LGR6: variants seen among roughly 807,000 people sequenced by gnomAD.
LGR6 encodes leucine rich repeat containing G protein-coupled receptor 6.
In LGR6, 45 loss-of-function variants were observed where a neutral mutation model predicts 69.4. The ratio of observed to expected loss-of-function variants is 0.65; its 90% CI spans 0.51 to 0.83. The LOEUF (loss-of-function observed/expected upper bound fraction) is 0.83. Ranked by LOEUF, LGR6 falls within the 40% of genes least tolerant of loss-of-function variation. The probability of loss-of-function intolerance (pLI) is 0.00; values close to 1 mark genes in which losing one functional copy is unlikely to be tolerated. For synonymous variants in LGR6, 538 were observed against 555.0 expected (o/e 0.97, Z 0.43); for missense variants, 1,108 against 1,246.7 (o/e 0.89, Z 1.68).
chr1:202,207,244 C>T (rs1038492407), intron 1 of LGR6, among the ~76,000 whole-genome samples: 2 of 152,138 alleles, frequency 1.3e-5, no homozygotes, highest in African/African-American at 4.8e-5. Context: ...AGCCCTTTCT[C>T]CCCTTAACCT....
Position 202,280,789 on chromosome 1 carries a change from A to G in LGR6, c.653A>G (p.His218Arg). 2.5e-6 allele frequency: 4 copies of G among 1,614,208 alleles called. No individual in the cohort carries two copies. The highest frequency in any genetic ancestry group is 3.4e-6 in the Non-Finnish European group (4 of 1,180,034). ...CTTTCCTTCCCGTGCAGGCATTTGC[A>G]TAACAACCGCATCCAGCATCTGGGG... ...NLTSLVVLHLHNNRIQHLGTH... is the reference protein window; with the variant it reads ...NLTSLVVLHLRNNRIQHLGTH... Residue 218 changes from histidine (H) to arginine (R), a missense_variant, in exon 6 of 18, where the codon CAT becomes CGT. Coordinates refer to ENST00000367278, the MANE Select transcript of LGR6 (RefSeq NM_001017403.2).
At chr1:202,214,022 G>C in intron 1 of LGR6, 1 of 1,333,164 alleles carries the variant, frequency 7.5e-7, no homozygotes, top group East Asian at 3.1e-5. Flanking sequence ...GGGAGTTAGG[G>C]AAGAGGGCAG....
At chr1:202,245,038 C>T (rs1481099478) in intron 4 of LGR6, among the ~76,000 whole-genome samples, 9 of 152,186 alleles carry the variant, frequency 5.9e-5, no homozygotes, top group Admixed American at 1.3e-4. Context: ...AAAAGCCTCC[C>T]CGCCAAAATC....
At chr1:202,197,527 G>A (rs1658689557) in intron 1 of LGR6, 1 of 517,692 alleles carries the variant, frequency 1.9e-6, no homozygotes, top group East Asian at 5.6e-5. Flanking sequence ...TAGACCAAGA[G>A]GGAGATGGAG....
chr1:202,307,038 G>A, intron 13 of LGR6, 99 bp downstream of exon 13: 2 of 1,070,082 alleles, frequency 1.9e-6, no homozygotes, highest in Non-Finnish European at 2.9e-6. Context: ...TTAAGCAAAT[G>A]TGACATGCAC....
At chr1:202,300,604 G>A (rs1266207325) in intron 7 of LGR6, among the ~76,000 whole-genome samples, 3 of 151,076 alleles carry the variant, frequency 2.0e-5, no homozygotes, top group African/African-American at 7.3e-5. Flanking sequence ...GCACTGCGGT[G>A]AGCCAAGATC....
intron 3 of LGR6, among the ~76,000 whole-genome samples, chr1:202,235,042 G>T (rs1283199495): frequency 6.6e-6 from 1 of 152,140 alleles, no homozygotes; most frequent in Non-Finnish European, 1.5e-5. Flanking sequence ...TCCTTCTCTT[G>T]CTCAGGGCTC....
chr1:202,293,995 A>T (rs1249639141), intron 6 of LGR6, among the ~76,000 whole-genome samples: 1 of 152,214 alleles, frequency 6.6e-6, no homozygotes, highest in Non-Finnish European at 1.5e-5. Context: ...TAGCAAAGTC[A>T]CATGAAACCA....
intron 10 of LGR6, 120 bp from the exon 11 acceptor site, chr1:202,304,439 T>G: frequency 6.3e-5 from 36 of 567,064 alleles, no homozygotes; most frequent in East Asian, 1.6e-4. Context: ...TCTCCCTCCA[T>G]TTCTCTCTTT....
chr1:202,208,456 G>C (rs772775675), intron 1 of LGR6, among the ~76,000 whole-genome samples: 1 of 152,000 alleles, frequency 6.6e-6, no homozygotes, highest in Non-Finnish European at 1.5e-5. Flanking sequence ...AGGAGACTGT[G>C]ATGTGAGGGA....
chr1:202,229,409 A>G (rs1660826649), intron 3 of LGR6, among the ~76,000 whole-genome samples: 1 of 152,038 alleles, frequency 6.6e-6, no homozygotes, highest in South Asian at 2.1e-4. Context: ...CAGGGGAGGC[A>G]TTCTGAAACA....
chr1:202,265,693 C>G (rs1052025947), intron 4 of LGR6, among the ~76,000 whole-genome samples: 1 of 152,226 alleles, frequency 6.6e-6, no homozygotes, highest in African/African-American at 2.4e-5. Context: ...CTCAGAGTCC[C>G]CTTTCCTCCC....
intron 9 of LGR6, 37 bp downstream of exon 9, chr1:202,301,272 TC>T (rs1190987837): frequency 6.5e-7 from 1 of 1,545,928 alleles, no homozygotes; most frequent in Non-Finnish European, 8.9e-7. Context: ...AGCCTGAACT[TC>T]CCCCTTTCCT....
chr1:202,294,931 A>G (rs1253862446), intron 6 of LGR6, among the ~76,000 whole-genome samples: 1 of 152,228 alleles, frequency 6.6e-6, no homozygotes, highest in Non-Finnish European at 1.5e-5. Flanking sequence ...TGAGTAAACC[A>G]TAGAAGTATT....
Position 202,193,906 on chromosome 1 carries a change from C to A in LGR6, c.-84C>A. ...CGGTCCCCACCGACGGTGCAGCCCG[C>A]CGGGACCGGGAGGAAGCAGCTGCGG... On this transcript the variant is annotated 5_prime_UTR_variant, in exon 1 of 18. Transcript: ENST00000367278. The A allele has an allele frequency of 2.2e-6, 2 of 926,672 alleles. No individual in the cohort carries two copies. Among genetic ancestry groups the A allele is most frequent in the South Asian group, 6.0e-5 (2 of 33,402 alleles). The allele number at this position is 926,672 out of a possible 1,614,324, so 57.4% of individuals were successfully genotyped here. A position where few individuals can be genotyped will look rare whatever the true frequency, so the allele number is the denominator to read the frequency against.
chr1:202,223,967 C>T (rs1021326078), intron 1 of LGR6, among the ~76,000 whole-genome samples: 24 of 151,752 alleles, frequency 1.6e-4, no homozygotes, highest in Admixed American at 3.3e-4. Flanking sequence ...ATTTATTAGG[C>T]AGTCTGTAAG....
intron 17 of LGR6, among the ~76,000 whole-genome samples, chr1:202,316,821 A>G (rs981851382): frequency 6.6e-6 from 1 of 152,250 alleles, no homozygotes; most frequent in Non-Finnish European, 1.5e-5. Context: ...AAGAGTGGAA[A>G]GCCAAAGAAA....
chr1:202,297,286 C>T (rs1047034109), intron 6 of LGR6, among the ~76,000 whole-genome samples: 2 of 152,206 alleles, frequency 1.3e-5, no homozygotes, highest in African/African-American at 4.8e-5. Flanking sequence ...TCTCCCCCCT[C>T]AGAACAGTTC....
At position 202,319,313 on chromosome 1, in the gene LGR6, T is replaced by A; in HGVS notation, c.*106T>A. 7.9e-7 allele frequency: 1 copy of A among 1,272,798 alleles called. No individual in the cohort carries two copies. Among genetic ancestry groups the A allele is most frequent in the East Asian group, 2.6e-5 (1 of 39,204 alleles). 78.8% of individuals were successfully genotyped at this position (1,272,798 alleles called of 1,614,324 possible). On this transcript the variant is annotated 3_prime_UTR_variant, in exon 18 of 18. Transcript: ENST00000367278. ...ATACAACCAAAACTCAGCAGTGTGA[T>A]CTATAGCAGGATGGCCCAGTCCCTG...
Sources: allele counts gnomAD v4.1 joint callset (sites outside exome capture counted in the v4.1 genomes callset), GRCh38; gene constraint gnomAD v4.1.1; transcripts MANE v1.5; gene names NCBI Gene and HGNC (gene_info 2026-07-23, HGNC 2026-07-21).